GRID1: variants seen among roughly 807,000 people sequenced by gnomAD.
GRID1 encodes the protein glutamate ionotropic receptor delta type subunit 1.
A neutral mutation model predicts 98.0 loss-of-function variants in GRID1; 28 were observed. That is an observed-to-expected ratio of 0.29 (90% confidence interval 0.21 to 0.39). The LOEUF is 0.39. Among genes scored for constraint, GRID1 ranks in the 10% least tolerant of loss-of-function variants. GRID1 has a pLI of 1.00. For missense variants in GRID1, 1,111 were observed against 1,340.5 expected, an observed-to-expected ratio of 0.83 and a Z score of 2.67; for synonymous variants, 553 against 538.5, an observed-to-expected ratio of 1.03 and a Z score of -0.37.
chr10:85,878,386 C>A (rs1589284793), intron 5 of GRID1, among the ~76,000 whole-genome samples: 2 of 152,244 alleles, frequency 1.3e-5, no homozygotes, highest in South Asian at 4.2e-4. Context: ...TCGGGTTACC[C>A]ACAAAGGGAA....
intron 13 of GRID1, among the ~76,000 whole-genome samples, chr10:85,622,254 G>T (rs1284982091): frequency 6.6e-6 from 1 of 152,054 alleles, no homozygotes; most frequent in East Asian, 1.9e-4. Context: ...CATCCAGAAG[G>T]GATGCTGGCA....
At chr10:85,783,400 G>T (rs1375759410) in intron 8 of GRID1, among the ~76,000 whole-genome samples, 3 of 152,180 alleles carry the variant, frequency 2.0e-5, no homozygotes, top group African/African-American at 2.4e-5. Context: ...ATATCAAGAA[G>T]TGGGGCAAGA....
At chr10:86,292,291 T>A (rs970599880) in intron 2 of GRID1, among the ~76,000 whole-genome samples, 1 of 152,224 alleles carries the variant, frequency 6.6e-6, no homozygotes, top group Admixed American at 6.5e-5. Flanking sequence ...TGCAGGAAGC[T>A]CTTCTTTGCT....
chr10:85,825,631 T>C (rs1471564628), intron 8 of GRID1, among the ~76,000 whole-genome samples: 1 of 152,220 alleles, frequency 6.6e-6, no homozygotes, highest in Non-Finnish European at 1.5e-5. Context: ...TCAAATGTAT[T>C]AGTTAATCTC....
chr10:86,016,939 T>C (rs141026949), intron 4 of GRID1, among the ~76,000 whole-genome samples: 1 of 152,320 alleles, frequency 6.6e-6, no homozygotes, highest in East Asian at 1.9e-4. Flanking sequence ...GTCTTGAGTC[T>C]AGCATGGCCT....
chr10:86,093,032 C>G (rs1040241850), intron 4 of GRID1, among the ~76,000 whole-genome samples: 4 of 152,170 alleles, frequency 2.6e-5, no homozygotes, highest in African/African-American at 9.7e-5. Context: ...ATCAAGCACT[C>G]TCCCAGTCTA....
intron 12 of GRID1, among the ~76,000 whole-genome samples, chr10:85,668,641 C>G (rs1381147741): frequency 6.6e-6 from 1 of 152,186 alleles, no homozygotes; most frequent in African/African-American, 2.4e-5. Flanking sequence ...AAAGCAGTCA[C>G]TTTCCAAGGA....
intron 2 of GRID1, among the ~76,000 whole-genome samples, chr10:86,241,549 C>T (rs548385349): frequency 1.3e-5 from 2 of 152,260 alleles, no homozygotes; most frequent in Non-Finnish European, 2.9e-5. Context: ...TCCCCCCCAC[C>T]GCTATCTGGT....
intron 2 of GRID1, among the ~76,000 whole-genome samples, chr10:86,274,631 C>T (rs993737352): frequency 3.9e-5 from 6 of 151,964 alleles, no homozygotes; most frequent in Non-Finnish European, 8.8e-5. Flanking sequence ...CTTCACGTCC[C>T]TTGTAAGTTA....
At chr10:85,880,883 A>C (rs529769409) in intron 5 of GRID1, among the ~76,000 whole-genome samples, 198 of 152,262 alleles carry the variant, frequency 1.3e-3, no homozygotes, top group African/African-American at 4.5e-3. Context: ...ACCACTGTCT[A>C]AGCCCAAAAT....
chr10:85,610,091 T>C (rs1054963052), intron 15 of GRID1, among the ~76,000 whole-genome samples: 1 of 152,252 alleles, frequency 6.6e-6, no homozygotes, highest in African/African-American at 2.4e-5. Flanking sequence ...GACAGGTTTC[T>C]GGCTCTTAAG....
chr10:86,074,588 C>A (rs1276774608), intron 4 of GRID1, among the ~76,000 whole-genome samples: 1 of 152,120 alleles, frequency 6.6e-6, no homozygotes, highest in Non-Finnish European at 1.5e-5. Context: ...TTTTCATTAT[C>A]CATTCAGCCA....
At position 85,854,580 on chromosome 10, in the gene GRID1, A is replaced by G. The variant is rs1408224969; in HGVS notation, c.1149T>C (p.Phe383=). 1.2e-6 allele frequency: 2 copies of G among 1,613,936 alleles called. No individual in the cohort carries two copies. Among genetic ancestry groups the G allele is most frequent in the Non-Finnish European group, 1.7e-6 (2 of 1,179,784 alleles). ...HITGLTGVME[F]REDSSNPYVQ... is the part of the protein sequence containing the mutation. Reference sequence around the variant, plus strand: ...CATAGGGATTCGAACTGTCCTCCCGAAACTCCATCACCCCAGTGAGGCCAG... The same window carrying G: ...CATAGGGATTCGAACTGTCCTCCCGGAACTCCATCACCCCAGTGAGGCCAG... The change falls in exon 8 of 16, where the codon TTT becomes TTC. Residue 383 remains phenylalanine (F), a synonymous_variant. Transcript: ENST00000327946.
intron 4 of GRID1, among the ~76,000 whole-genome samples, chr10:85,967,812 G>A (rs1216423341): frequency 6.6e-6 from 1 of 152,148 alleles, no homozygotes; most frequent in Non-Finnish European, 1.5e-5. Context: ...GAATAAGATT[G>A]TCATCTGACT....
chr10:85,643,583 AAGG>A (rs1409170891), intron 13 of GRID1, among the ~76,000 whole-genome samples: 1 of 152,186 alleles, frequency 6.6e-6, no homozygotes, highest in Non-Finnish European at 1.5e-5. Context: ...GCACACGAAG[AAGG>A]AGGATTTGAG....
chr10:86,279,605 A>G (rs1847326805), intron 2 of GRID1, among the ~76,000 whole-genome samples: 1 of 152,236 alleles, frequency 6.6e-6, no homozygotes, highest in South Asian at 2.1e-4. Flanking sequence ...GAACTTCTTG[A>G]TTTGATAAAG....
chr10:86,303,511 C>A (rs1362306845), intron 2 of GRID1, among the ~76,000 whole-genome samples: 2 of 152,168 alleles, frequency 1.3e-5, no homozygotes, highest in Non-Finnish European at 2.9e-5. Flanking sequence ...GAGAGCATGC[C>A]TCTCTCGAGC....
chr10:86,169,378 CA>C (rs1422131420), intron 3 of GRID1, among the ~76,000 whole-genome samples: 3 of 152,170 alleles, frequency 2.0e-5, no homozygotes, highest in Non-Finnish European at 4.4e-5. Flanking sequence ...TAGCATTTAC[CA>C]ACTTCCTTGA....
chr10:85,612,541 CCA>C (rs1842745805), intron 15 of GRID1, among the ~76,000 whole-genome samples: 1 of 151,986 alleles, frequency 6.6e-6, no homozygotes, highest in African/African-American at 2.4e-5. Context: ...CCATCTGCAC[CCA>C]CAGAGTCTCT....
Sources: allele counts gnomAD v4.1 joint callset (sites outside exome capture counted in the v4.1 genomes callset), GRCh38; gene constraint gnomAD v4.1.1; transcripts MANE v1.5; gene names NCBI Gene and HGNC (gene_info 2026-07-23, HGNC 2026-07-21).